The following WDR93 variants were observed in gnomAD, a reference collection of about 807,000 sequenced individuals.
The protein encoded by WDR93 is WD repeat domain 93.
WDR93 carries 73 observed loss-of-function variants against 82.9 expected under a neutral mutation model. The observed-to-expected ratio is 0.88, with a 90% CI of 0.73 to 1.07. The LOEUF is 1.07. Among genes scored for constraint, WDR93 ranks in the 50% least tolerant of loss-of-function variants. The pLI, the probability that WDR93 is intolerant of heterozygous loss-of-function variation, is 0.00. For missense variants in WDR93, 738 were observed against 826.0 expected (o/e 0.89, Z 1.31); for synonymous variants, 283 against 300.1 (o/e 0.94, Z 0.59).
Position 89,743,225 on chromosome 15 carries a change from G to GC in WDR93, c.1962-64dup, listed in dbSNP as rs570077104. ...TAGGAGCACAGGGTAGTCGAGGTCT[G>GC]CCCTGGGGGCTCGGGAGCTGGGGAA... On this transcript the variant is annotated intron_variant, in intron 16 of 16. Coordinates refer to ENST00000268130, the MANE Select transcript of WDR93 (RefSeq NM_020212.2). The GC allele has an allele frequency of 1.7e-4, 254 of 1,523,968 alleles. No individual in the cohort carries two copies. The African/African-American group carries it at 2.9e-3, about 17-fold the overall frequency. The allele number at this position is 1,523,968 out of a possible 1,614,324, so 94.4% of individuals were successfully genotyped here. A position where few individuals can be genotyped will look rare whatever the true frequency, so the allele number is the denominator to read the frequency against.
chr15:89,724,024 C>A (rs1169398294), intron 8 of WDR93, among the ~76,000 whole-genome samples: 1 of 151,996 alleles, frequency 6.6e-6, no homozygotes, highest in African/African-American at 2.4e-5. Context: ...ATGGCGAAAC[C>A]CCGTCTGTAC....
chr15:89,721,809 G>A (rs1019783026), intron 7 of WDR93, among the ~76,000 whole-genome samples: 6 of 151,980 alleles, frequency 3.9e-5, no homozygotes, highest in Non-Finnish European at 7.4e-5. Flanking sequence ...TTTTTATAGA[G>A]TCTGACAATC....
At chr15:89,724,674 A>G (rs988982614) in intron 8 of WDR93, among the ~76,000 whole-genome samples, 3 of 152,216 alleles carry the variant, frequency 2.0e-5, no homozygotes, top group African/African-American at 7.2e-5. Context: ...ATTCACAAAA[A>G]AAAGATTATT....
chr15:89,716,779 GC>G, intron 6 of WDR93, 131 bp from the exon 7 acceptor site: 1 of 668,426 alleles, frequency 1.5e-6, no homozygotes, highest in African/African-American at 1.9e-5. Flanking sequence ...ACAAATACTG[GC>G]CCTCCACATC....
intron 1 of WDR93, among the ~76,000 whole-genome samples, chr15:89,694,377 G>A (rs1402105104): frequency 6.6e-6 from 1 of 151,068 alleles, no homozygotes; most frequent in East Asian, 2.0e-4. Context: ...TGGGACTACA[G>A]GTGCCCACCG....
At chr15:89,695,877 C>A (rs1298460740) in intron 1 of WDR93, among the ~76,000 whole-genome samples, 1 of 135,960 alleles carries the variant, frequency 7.4e-6, no homozygotes, top group East Asian at 2.1e-4. Flanking sequence ...AGTGCAATGG[C>A]ACAATCTCAG....
chr15:89,694,371 A>G (rs1965056016), intron 1 of WDR93, among the ~76,000 whole-genome samples: 1 of 149,262 alleles, frequency 6.7e-6, no homozygotes, highest in African/African-American at 2.5e-5. Flanking sequence ...AGTAGCTGGG[A>G]CTACAGGTGC....
chr15:89,732,927 T>G, intron 12 of WDR93, 79 bp from the exon 13 acceptor site: 1 of 1,343,806 alleles, frequency 7.4e-7, no homozygotes, highest in South Asian at 1.2e-5. Flanking sequence ...CCTCACACAC[T>G]TGCTGGTCAC....
At chr15:89,690,386 C>G (rs953190730), upstream of WDR93, among the ~76,000 whole-genome samples, 4 of 152,102 alleles carry the variant, frequency 2.6e-5, no homozygotes, top group South Asian at 4.1e-4. Flanking sequence ...GACGCGGGTG[C>G]GTTGGGCCCA....
At chr15:89,699,979 C>A (rs1243460364) in intron 1 of WDR93, among the ~76,000 whole-genome samples, 1 of 152,072 alleles carries the variant, frequency 6.6e-6, no homozygotes, top group Admixed American at 6.6e-5. Context: ...CAAGTAATTT[C>A]TTTATTGGAT....
At chr15:89,729,115 G>A in intron 10 of WDR93, 22 bp downstream of exon 10, 4 of 1,610,542 alleles carry the variant, frequency 2.5e-6, no homozygotes, top group Non-Finnish European at 3.4e-6. Flanking sequence ...TGAAGTGGGT[G>A]GTTGTCCTAG....
At chr15:89,730,503 T>G (rs1230562796) in intron 11 of WDR93, among the ~76,000 whole-genome samples, 1 of 152,202 alleles carries the variant, frequency 6.6e-6, no homozygotes, top group African/African-American at 2.4e-5. Context: ...GTCTAGTGCA[T>G]GCGTTTGTTG....
chr15:89,720,210 T>A (rs937557464), intron 7 of WDR93, among the ~76,000 whole-genome samples: 96 of 152,356 alleles, frequency 6.3e-4, no homozygotes, highest in African/African-American at 1.8e-3. Flanking sequence ...TTGATTTTTT[T>A]ATTTTCATTC....
chr15:89,695,330 G>A (rs11858209), intron 1 of WDR93, among the ~76,000 whole-genome samples: 65,980 of 151,598 alleles, frequency 0.44, 14,758 homozygotes, highest in African/African-American at 0.5. Context: ...ATAGTTTTCA[G>A]TATGTGGGTG....
chr15:89,728,794 C>T (rs1022814577), intron 9 of WDR93, among the ~76,000 whole-genome samples: 2 of 152,186 alleles, frequency 1.3e-5, no homozygotes, highest in Non-Finnish European at 2.9e-5. Context: ...CTGCACACCA[C>T]ACTGGCCTAG....
At chr15:89,713,124 T>TAAAAA (rs77944900) in intron 5 of WDR93, among the ~76,000 whole-genome samples, 1 of 97,724 alleles carries the variant, frequency 1.0e-5, no homozygotes, top group Non-Finnish European at 2.1e-5. Context: ...AACTCCATCT[T>TAAAAA]AAAAAAAAAA....
At chr15:89,717,137 G>A (rs762917883) in intron 7 of WDR93, among the ~76,000 whole-genome samples, 188 bp downstream of exon 7, 6 of 132,122 alleles carry the variant, frequency 4.5e-5, no homozygotes, top group African/African-American at 1.5e-4. Flanking sequence ...TTGGCTCATC[G>A]CAACTTCTGC....
chr15:89,729,773 C>T lies in WDR93; in HGVS notation c.1210+4C>T, dbSNP rs763576997. 1 of 1,612,388 alleles carries T rather than the reference C, an allele frequency of 6.2e-7. No homozygotes were observed. The highest frequency in any genetic ancestry group is 8.5e-7 in the Non-Finnish European group (1 of 1,178,792). ...CGAACTCTAAAGGATAAAGCTGGTA[C>T]TTTACTGCTGAGATGGGAGTCGCCT... On this transcript the variant is annotated splice_donor_region_variant and intron_variant, in intron 11 of 16. Coordinates refer to ENST00000268130, the MANE Select transcript of WDR93 (RefSeq NM_020212.2).
At chr15:89,690,765 G>C (rs1267348872), upstream of WDR93, 4 of 592,476 alleles carry the variant, frequency 6.8e-6, no homozygotes, top group Admixed American at 6.6e-5. Flanking sequence ...CGCCCCAGAG[G>C]GGGCGGGCAC....
Sources: gnomAD v4.1 joint callset for allele counts (sites outside exome capture counted in the v4.1 genomes callset) on GRCh38, gnomAD v4.1.1 for gene constraint, MANE v1.5 for transcripts, NCBI Gene and HGNC (gene_info 2026-07-23, HGNC 2026-07-21) for gene names.